Variants in CCSER1 observed in about 807,000 individuals in gnomAD.
CCSER1 encodes the protein serine-rich coiled-coil domain-containing protein 1.
CCSER1 carries 41 observed loss-of-function variants against 82.0 expected under a neutral mutation model. The ratio of observed to expected loss-of-function variants is 0.50; its 90% CI spans 0.39 to 0.65. The LOEUF is 0.65. Among genes scored for constraint, CCSER1 ranks in the 30% least tolerant of loss-of-function variants. The probability of loss-of-function intolerance (pLI) is 0.00; values close to 1 mark genes in which losing one functional copy is unlikely to be tolerated. For synonymous variants in CCSER1, 414 were observed against 383.9 expected, an observed-to-expected ratio of 1.08 and a Z score of -0.92; for missense variants, 1,119 against 1,064.2, an observed-to-expected ratio of 1.05 and a Z score of -0.72.
At chr4:91,126,880 A>G (rs1159302970) in intron 10 of CCSER1, among the ~76,000 whole-genome samples, 1 of 152,010 alleles carries the variant, frequency 6.6e-6, no homozygotes, top group East Asian at 1.9e-4. Flanking sequence ...CCTGGGATTG[A>G]AGATACAGGG....
intron 1 of CCSER1, among the ~76,000 whole-genome samples, chr4:90,264,872 T>C (rs565893843): frequency 1.7e-3 from 266 of 152,232 alleles, no homozygotes; most frequent in African/African-American, 6.0e-3. Context: ...TCTGAATTTA[T>C]TCGTTTATAA....
chr4:91,219,046 C>T (rs146989856), intron 10 of CCSER1, among the ~76,000 whole-genome samples: 56 of 152,212 alleles, frequency 3.7e-4, no homozygotes, highest in Admixed American at 7.9e-4. Flanking sequence ...ATCTCCTCCC[C>T]ACACATAGAT....
intron 8 of CCSER1, among the ~76,000 whole-genome samples, chr4:90,862,569 A>G (rs1352923186): frequency 6.6e-6 from 1 of 151,978 alleles, no homozygotes; most frequent in Non-Finnish European, 1.5e-5. Flanking sequence ...AGTTCAAGGC[A>G]TGAAACAACT....
At chr4:90,920,327 A>G (rs1176094967) in intron 8 of CCSER1, among the ~76,000 whole-genome samples, 1 of 151,932 alleles carries the variant, frequency 6.6e-6, no homozygotes, top group African/African-American at 2.4e-5. Context: ...TATTTTGAAA[A>G]TTGAGCTGAC....
chr4:91,542,468 C>A (rs1761655790), intron 10 of CCSER1, among the ~76,000 whole-genome samples: 2 of 152,044 alleles, frequency 1.3e-5, no homozygotes, highest in East Asian at 3.9e-4. Context: ...TTTCCCAGCA[C>A]CATTTATTAA....
chr4:91,074,913 A>G (rs1182863084), intron 9 of CCSER1, among the ~76,000 whole-genome samples: 1 of 152,070 alleles, frequency 6.6e-6, no homozygotes, highest in East Asian at 1.9e-4. Flanking sequence ...CATCTGTCCA[A>G]TCTATATTTT....
At chr4:90,282,810 C>A (rs1232152340) in intron 1 of CCSER1, among the ~76,000 whole-genome samples, 1 of 151,942 alleles carries the variant, frequency 6.6e-6, no homozygotes. Flanking sequence ...TTATGGAGGA[C>A]CTTTATTGGT....
Position 90,282,268 on chromosome 4 carries a change from A to T in CCSER1, c.-41-25976A>T, listed in dbSNP as rs186624560. Among the ~76,000 whole-genome samples, 50 of 152,080 alleles carry T rather than the reference A, an allele frequency of 3.3e-4. 2 individuals carry two copies. In the East Asian group the frequency reaches 8.3e-3, roughly 25 times the overall value. On this transcript the variant is annotated intron_variant, in intron 1 of 10. Transcript: ENST00000509176. ...AAGCATTTTTAACTGCACTTGGTTT[A>T]TAAATGGGTTATCATTTTATATTAA... is the stretch of plus-strand genomic sequence containing the variant.
intron 10 of CCSER1, among the ~76,000 whole-genome samples, chr4:91,115,417 C>G (rs1242478126): frequency 6.6e-6 from 1 of 152,024 alleles, no homozygotes; most frequent in Non-Finnish European, 1.5e-5. Flanking sequence ...ACCTCCATCT[C>G]CCACATTCAA....
At chr4:90,373,640 G>C (rs1747824553) in intron 3 of CCSER1, among the ~76,000 whole-genome samples, 1 of 152,130 alleles carries the variant, frequency 6.6e-6, no homozygotes, top group African/African-American at 2.4e-5. Context: ...GTGAAAAAAT[G>C]ATACAACTGA....
At chr4:91,061,236 G>A (rs1174926879) in intron 9 of CCSER1, among the ~76,000 whole-genome samples, 1 of 151,306 alleles carries the variant, frequency 6.6e-6, no homozygotes, top group East Asian at 1.9e-4. Flanking sequence ...GATGTTAAAT[G>A]ACTTATGTAA....
intron 10 of CCSER1, among the ~76,000 whole-genome samples, chr4:91,490,919 T>A (rs1441383504): frequency 1.2e-5 from 1 of 81,926 alleles, no homozygotes; most frequent in Non-Finnish European, 2.4e-5. Flanking sequence ...TATATATATA[T>A]ATATATATAA....
chr4:91,294,339 A>G (rs1743994242), intron 10 of CCSER1, among the ~76,000 whole-genome samples: 1 of 151,924 alleles, frequency 6.6e-6, no homozygotes, highest in South Asian at 2.1e-4. Flanking sequence ...ATCATTTGGG[A>G]AATTCTAGTG....
At chr4:91,028,921 AG>A (rs1296681566) in intron 9 of CCSER1, among the ~76,000 whole-genome samples, 1 of 137,130 alleles carries the variant, frequency 7.3e-6, no homozygotes, top group Non-Finnish European at 1.7e-5. Flanking sequence ...TATAAGCTTC[AG>A]CAAATAAAAA....
chr4:91,490,764 A>G (rs953866734), intron 10 of CCSER1, among the ~76,000 whole-genome samples: 2 of 147,252 alleles, frequency 1.4e-5, no homozygotes, highest in African/African-American at 5.0e-5. Context: ...GTATAATTGG[A>G]ATGTTTGCAA....
Position 90,745,171 on chromosome 4 carries a change from G to C in CCSER1, c.2010+21180G>C, listed in dbSNP as rs551763413. ...TTCTTTCTGAAGGCTATAAGGGACA[G>C]TTTGTTTACTTACCTTTTGAACTTC... On this transcript the variant is annotated intron_variant, in intron 7 of 10. Coordinates refer to ENST00000509176, the MANE Select transcript of CCSER1 (RefSeq NM_001145065.2). 1.4e-4 allele frequency among the ~76,000 whole-genome samples: 21 copies of C among 152,178 alleles called. No individual in the cohort carries two copies. In the South Asian group the frequency reaches 2.3e-3, roughly 17 times the overall value.
chr4:91,279,628 G>T (rs996282788), intron 10 of CCSER1, among the ~76,000 whole-genome samples: 5 of 151,834 alleles, frequency 3.3e-5, no homozygotes, highest in African/African-American at 1.2e-4. Flanking sequence ...TTGGTAAATT[G>T]CTCATTCATA....
intron 5 of CCSER1, among the ~76,000 whole-genome samples, chr4:90,554,629 A>T (rs565092550): frequency 6.6e-6 from 1 of 152,186 alleles, no homozygotes; most frequent in East Asian, 1.9e-4. Context: ...GCTAAATGCA[A>T]TCCCCCAAGG....
At chr4:91,254,674 A>AAAGTGG (rs1740538106) in intron 10 of CCSER1, among the ~76,000 whole-genome samples, 1 of 152,166 alleles carries the variant, frequency 6.6e-6, no homozygotes, top group African/African-American at 2.4e-5. Context: ...TGCATACTCA[A>AAAGTGG]AAGTGGTAAA....
Sources: allele counts gnomAD v4.1 joint callset (sites outside exome capture counted in the v4.1 genomes callset), GRCh38; gene constraint gnomAD v4.1.1; transcripts MANE v1.5; gene names NCBI Gene and HGNC (gene_info 2026-07-23, HGNC 2026-07-21).